Variants in ZFHX3 observed in about 807,000 individuals in gnomAD.
ZFHX3 encodes the protein zinc finger homeobox protein 3.
A neutral mutation model predicts 279.1 loss-of-function variants in ZFHX3; 42 were observed. That is an observed-to-expected ratio of 0.15 (90% CI 0.12 to 0.19). The LOEUF (loss-of-function observed/expected upper bound fraction) is 0.19, where lower values mean the gene tolerates loss of function less well. Ranked by LOEUF, ZFHX3 falls within the 10% of genes least tolerant of loss-of-function variation. The probability of loss-of-function intolerance (pLI) is 1.00; values close to 1 mark genes in which losing one functional copy is unlikely to be tolerated. For synonymous variants in ZFHX3, 2,293 were observed against 1,957.8 expected (o/e 1.17, Z -4.52); for missense variants, 4,981 against 4,754.0 (o/e 1.05, Z -1.40).
At chr16:73,523,115 G>T (rs962508266) in intron 2 of ZFHX3, among the ~76,000 whole-genome samples, 5 of 152,270 alleles carry the variant, frequency 3.3e-5, no homozygotes, top group African/African-American at 1.2e-4. Flanking sequence ...GAGTTTCACT[G>T]TGCCTTTATT....
intron 8 of ZFHX3, among the ~76,000 whole-genome samples, chr16:73,078,731 G>A (rs945607338): frequency 2.6e-5 from 4 of 151,506 alleles, no homozygotes; most frequent in East Asian, 2.0e-4. Context: ...TGCAAGCTCC[G>A]CCTCCTGGGT....
At chr16:73,067,810 G>A (rs1248296584) in intron 8 of ZFHX3, among the ~76,000 whole-genome samples, 1 of 152,114 alleles carries the variant, frequency 6.6e-6, no homozygotes, top group East Asian at 1.9e-4. Context: ...GGAGGCAGGC[G>A]GGGGATTGTC....
intron 1 of ZFHX3, among the ~76,000 whole-genome samples, chr16:73,820,782 T>A (rs894304440): frequency 1.3e-5 from 2 of 151,846 alleles, no homozygotes; most frequent in African/African-American, 4.8e-5. Context: ...GATATTTCTA[T>A]GAAGCTAAAG....
chr16:73,176,609 C>CTTT (rs34772851), intron 5 of ZFHX3, among the ~76,000 whole-genome samples: 5 of 139,364 alleles, frequency 3.6e-5, no homozygotes, highest in African/African-American at 1.1e-4. Flanking sequence ...TCTTCTTCTC[C>CTTT]TTTTTTTTTT....
At chr16:72,856,160 G>A (rs1187117008) in intron 4 of ZFHX3, among the ~76,000 whole-genome samples, 1 of 152,188 alleles carries the variant, frequency 6.6e-6, no homozygotes, top group African/African-American at 2.4e-5. Flanking sequence ...CTATGAAGGG[G>A]GGAAAGAAAC....
At chr16:73,784,914 C>A (rs1490570953) in intron 1 of ZFHX3, among the ~76,000 whole-genome samples, 2 of 151,710 alleles carry the variant, frequency 1.3e-5, no homozygotes, top group South Asian at 4.2e-4. Context: ...GTTCTTCCCA[C>A]ACCTAATTCC....
rs60090162 is a variant in ZFHX3, at chr16:73,700,020, C to A, written c.-1607-19780G>T. On this transcript the variant is annotated intron_variant, in intron 1 of 17. Coordinates refer to the ZFHX3 transcript ENST00000641206. ...AGGAGATCACTTAAGCCCAGGAGTTCAAGACCAGCCTGGGTGACATAGTGA... is the reference window on the plus strand; with the variant it reads ...AGGAGATCACTTAAGCCCAGGAGTTAAAGACCAGCCTGGGTGACATAGTGA... 3.5e-3 allele frequency among the ~76,000 whole-genome samples: 532 copies of A among 152,202 alleles called. 4 individuals are homozygous for A. Among genetic ancestry groups the A allele is most frequent in the African/African-American group, 0.012 (501 of 41,540 alleles).
At chr16:73,802,966 C>T (rs901287569) in intron 1 of ZFHX3, among the ~76,000 whole-genome samples, 41 of 152,098 alleles carry the variant, frequency 2.7e-4, no homozygotes, top group South Asian at 4.1e-4. Context: ...CACAGGCACA[C>T]GCCACCACAC....
intron 5 of ZFHX3, among the ~76,000 whole-genome samples, chr16:73,151,556 G>C (rs541961301): frequency 7.8e-6 from 1 of 127,530 alleles, no homozygotes; most frequent in East Asian, 2.1e-4. Flanking sequence ...TGATTGATTG[G>C]TGATACCTGC....
intron 4 of ZFHX3, among the ~76,000 whole-genome samples, chr16:73,280,942 G>A (rs1185172130): frequency 8.0e-5 from 12 of 149,236 alleles, no homozygotes; most frequent in Admixed American, 6.8e-4. Context: ...CCAAGATTGC[G>A]CCATTGCACT....
At chr16:73,338,111 T>C (rs2015953293) in intron 3 of ZFHX3, among the ~76,000 whole-genome samples, 2 of 152,184 alleles carry the variant, frequency 1.3e-5, no homozygotes, top group African/African-American at 4.8e-5. Context: ...TTTCCTAATC[T>C]GCAGATGAGC....
At chr16:73,065,337 T>A (rs370568861) in intron 8 of ZFHX3, among the ~76,000 whole-genome samples, 2 of 152,184 alleles carry the variant, frequency 1.3e-5, no homozygotes, top group African/African-American at 4.8e-5. Flanking sequence ...CTTGCAGGCA[T>A]GGCTTATTTA....
chr16:73,380,538 C>A (rs1460007884), intron 3 of ZFHX3, among the ~76,000 whole-genome samples: 1 of 152,116 alleles, frequency 6.6e-6, no homozygotes, highest in Non-Finnish European at 1.5e-5. Context: ...TAATGAAACA[C>A]TAGTCAAATA....
chr16:73,733,196 G>T (rs2053583321), intron 1 of ZFHX3, among the ~76,000 whole-genome samples: 1 of 152,114 alleles, frequency 6.6e-6, no homozygotes, highest in African/African-American at 2.4e-5. Flanking sequence ...TATCCACCAT[G>T]GAGAAATCGT....
At chr16:73,607,460 C>G (rs1009563497) in intron 2 of ZFHX3, among the ~76,000 whole-genome samples, 1 of 152,160 alleles carries the variant, frequency 6.6e-6, no homozygotes, top group African/African-American at 2.4e-5. Flanking sequence ...TACCTGCACG[C>G]GTATGTTCAT....
intron 1 of ZFHX3, among the ~76,000 whole-genome samples, chr16:73,011,772 C>G (rs1346384137): frequency 6.6e-6 from 1 of 150,896 alleles, no homozygotes; most frequent in African/African-American, 2.4e-5. Context: ...AAGCTTTAAG[C>G]TAACTCCCCT....
intron 8 of ZFHX3, among the ~76,000 whole-genome samples, chr16:73,082,086 C>T (rs1965953816): frequency 6.6e-6 from 1 of 151,972 alleles, no homozygotes; most frequent in African/African-American, 2.4e-5. Context: ...ATCCACCCGC[C>T]TCAGTCTCTC....
At position 72,992,201 on chromosome 16, in the gene ZFHX3, G is replaced by A. The variant is rs899233670; in HGVS notation, c.-49-32007C>T. Among the ~76,000 whole-genome samples, 5 of 152,170 alleles carry A rather than the reference G, an allele frequency of 3.3e-5. No homozygotes were observed. The East Asian group carries it at 5.8e-4, about 18-fold the overall frequency. On this transcript the variant is annotated intron_variant, in intron 1 of 9. Coordinates refer to ENST00000268489, the MANE Select transcript of ZFHX3 (RefSeq NM_006885.4). ...AGAGCAGAGCCTCCAAAATGAAAGC[G>A]TTTCTCCGCCTTCCTCCAGGCCTCC...
At chr16:73,268,393 G>A (rs141562756) in intron 4 of ZFHX3, among the ~76,000 whole-genome samples, 5 of 152,328 alleles carry the variant, frequency 3.3e-5, no homozygotes, top group Non-Finnish European at 7.3e-5. Context: ...ACAAGGGTGT[G>A]TGGTTGCCCA....
Sources: allele counts gnomAD v4.1 joint callset (sites outside exome capture counted in the v4.1 genomes callset), GRCh38; gene constraint gnomAD v4.1.1; transcripts MANE v1.5; gene names NCBI Gene and HGNC (gene_info 2026-07-23, HGNC 2026-07-21).